Variants in AP3B1 observed in about 807,000 individuals in gnomAD.
AP3B1 encodes adaptor related protein complex 3 subunit beta 1.
A neutral mutation model predicts 132.5 loss-of-function variants in AP3B1; 61 were observed. The observed-to-expected ratio is 0.46, with a 90% CI of 0.37 to 0.57. The LOEUF is 0.57. Ranked by LOEUF, AP3B1 falls within the 20% of genes least tolerant of loss-of-function variation. The pLI is 0.00. For missense variants in AP3B1, 1,120 were observed against 1,289.4 expected (o/e 0.87, Z 2.01); for synonymous variants, 388 against 438.3 (o/e 0.89, Z 1.43).
intron 7 of AP3B1, 39 bp from the exon 8 acceptor site, chr5:78,181,701 C>T: frequency 6.3e-7 from 1 of 1,578,276 alleles, no homozygotes; most frequent in Non-Finnish European, 8.7e-7. Context: ...TACTTTAGAC[C>T]TTGAGCAATC....
chr5:78,239,552 T>C (rs896117969), intron 3 of AP3B1, among the ~76,000 whole-genome samples: 4 of 150,714 alleles, frequency 2.7e-5, no homozygotes, highest in African/African-American at 4.9e-5. Flanking sequence ...GGCAGGTAGA[T>C]TGCTTGAGCT....
chr5:78,292,659 T>C (rs924454494), intron 1 of AP3B1, among the ~76,000 whole-genome samples: 2 of 152,148 alleles, frequency 1.3e-5, no homozygotes, highest in African/African-American at 4.8e-5. Flanking sequence ...AGATAATAAA[T>C]GTAAAGTGGT....
At chr5:78,018,792 TAGTG>T (rs1487836975) in intron 25 of AP3B1, among the ~76,000 whole-genome samples, 5 of 152,078 alleles carry the variant, frequency 3.3e-5, no homozygotes, top group African/African-American at 7.2e-5. Context: ...GCTTTTCCGT[TAGTG>T]AGAGATTTCT....
At chr5:78,075,313 T>C (rs1051005044) in intron 22 of AP3B1, among the ~76,000 whole-genome samples, 2 of 152,222 alleles carry the variant, frequency 1.3e-5, no homozygotes, top group African/African-American at 2.4e-5. Flanking sequence ...TAATTCCAAA[T>C]ACTGTTTTAG....
At chr5:78,258,748 T>C (rs1747952782) in intron 2 of AP3B1, among the ~76,000 whole-genome samples, 1 of 152,184 alleles carries the variant, frequency 6.6e-6, no homozygotes, top group Non-Finnish European at 1.5e-5. Context: ...ACTCCAATGC[T>C]CGCTGCAGCA....
intron 7 of AP3B1, among the ~76,000 whole-genome samples, chr5:78,213,178 C>T (rs901210345): frequency 1.3e-5 from 2 of 152,168 alleles, no homozygotes; most frequent in Admixed American, 6.5e-5. Flanking sequence ...CGCGCCCGGC[C>T]TCGTCTGCCA....
At chr5:78,032,393 T>G (rs1400877426) in intron 24 of AP3B1, among the ~76,000 whole-genome samples, 1 of 152,160 alleles carries the variant, frequency 6.6e-6, no homozygotes, top group Non-Finnish European at 1.5e-5. Flanking sequence ...CATTCTTGTT[T>G]CTTTTTTTCT....
chr5:78,261,126 C>T (rs1013052062), intron 2 of AP3B1, among the ~76,000 whole-genome samples: 5 of 152,132 alleles, frequency 3.3e-5, no homozygotes, highest in African/African-American at 9.7e-5. Flanking sequence ...TGTATATACC[C>T]AAAAGGAGAA....
chr5:78,218,469 G>A (rs1313398636), intron 6 of AP3B1, among the ~76,000 whole-genome samples: 1 of 151,824 alleles, frequency 6.6e-6, no homozygotes. Flanking sequence ...TCTTCCCTTG[G>A]TTGCCACGTT....
At chr5:78,276,268 A>G (rs1005931690) in intron 1 of AP3B1, among the ~76,000 whole-genome samples, 3 of 152,014 alleles carry the variant, frequency 2.0e-5, no homozygotes, top group Non-Finnish European at 2.9e-5. Context: ...GGGTCTCCCT[A>G]TGTTGTCCAG....
At chr5:78,137,496 A>C (rs1003128816) in intron 15 of AP3B1, among the ~76,000 whole-genome samples, 3 of 152,132 alleles carry the variant, frequency 2.0e-5, no homozygotes, top group African/African-American at 7.2e-5. Flanking sequence ...AGGACTTTGA[A>C]TTTCCTTTTG....
intron 22 of AP3B1, among the ~76,000 whole-genome samples, chr5:78,067,521 G>A (rs952587460): frequency 2.8e-4 from 43 of 152,210 alleles, no homozygotes; most frequent in African/African-American, 1.0e-3. Context: ...ATCATCGGAA[G>A]TAAAACACTC....
intron 7 of AP3B1, among the ~76,000 whole-genome samples, chr5:78,190,800 A>G (rs185053865): frequency 1.3e-5 from 2 of 152,338 alleles, no homozygotes; most frequent in Admixed American, 1.3e-4. Flanking sequence ...CACTGCTTCT[A>G]TTATTAAGAA....
At chr5:78,278,097 C>T (rs1748862773) in intron 1 of AP3B1, among the ~76,000 whole-genome samples, 1 of 152,156 alleles carries the variant, frequency 6.6e-6, no homozygotes, top group African/African-American at 2.4e-5. Flanking sequence ...CTCCCCCAAT[C>T]TTAATCTTCT....
chr5:78,202,389 T>C (rs1745329656), intron 7 of AP3B1, among the ~76,000 whole-genome samples: 1 of 152,080 alleles, frequency 6.6e-6, no homozygotes, highest in Admixed American at 6.6e-5. Flanking sequence ...CCCCAAGATA[T>C]ACAGATGGCA....
At chr5:78,227,622 G>T (rs1376077678) in intron 4 of AP3B1, 90 bp from the exon 5 acceptor site, 3 of 1,257,042 alleles carry the variant, frequency 2.4e-6, no homozygotes, top group African/African-American at 3.0e-5. Flanking sequence ...TGCTTAAAGG[G>T]TGTAATATGA....
intron 11 of AP3B1, among the ~76,000 whole-genome samples, chr5:78,174,397 G>C (rs1744056441): frequency 6.6e-6 from 1 of 152,168 alleles, no homozygotes. Context: ...AGTTGATGTT[G>C]ATGCTATTCC....
intron 25 of AP3B1, among the ~76,000 whole-genome samples, chr5:78,020,387 T>C (rs905711032): frequency 3.3e-5 from 5 of 152,078 alleles, no homozygotes; most frequent in Non-Finnish European, 7.4e-5. Flanking sequence ...TCCTGGCACT[T>C]TGAATAATAC....
rs1331079374 is a variant in AP3B1, at chr5:78,129,107, T to C, written c.1837+14A>G. On this transcript the variant is annotated intron_variant, in intron 16 of 26. Coordinates refer to ENST00000255194, the MANE Select transcript of AP3B1 (RefSeq NM_003664.5). ...TTAGATAACATATATTTTGGAGTTA[T>C]ATTCTGATAATACCTTTAAAAGGAG... 3 of 1,605,270 alleles carry C rather than the reference T, an allele frequency of 1.9e-6. No individual in the cohort carries two copies. The highest frequency in any genetic ancestry group is 1.1e-5 in the South Asian group (1 of 89,746).
Sources: gnomAD v4.1 joint callset for allele counts (sites outside exome capture counted in the v4.1 genomes callset) on GRCh38, gnomAD v4.1.1 for gene constraint, MANE v1.5 for transcripts, NCBI Gene and HGNC (gene_info 2026-07-23, HGNC 2026-07-21) for gene names.